The following UQCRB variants were observed in gnomAD, a reference collection of about 807,000 sequenced individuals.
UQCRB encodes cytochrome b-c1 complex subunit 7.
Under a neutral mutation model 19.8 loss-of-function variants are expected in UQCRB, and 12 were observed. The ratio of observed to expected loss-of-function variants is 0.61; its 90% CI spans 0.39 to 0.98. UQCRB has a LOEUF of 0.98. Ranked by LOEUF, UQCRB falls within the 50% of genes least tolerant of loss-of-function variation. The pLI is 0.00. For synonymous variants in UQCRB, 39 were observed against 42.9 expected (o/e 0.91, Z 0.35); for missense variants, 142 against 131.8 (o/e 1.08, Z -0.38).
Position 96,224,736 on chromosome 8 carries a change from C to T in UQCRB, c.*6319G>A. Among the ~76,000 whole-genome samples, 1 of 152,182 alleles carries T rather than the reference C, an allele frequency of 6.6e-6. No homozygotes were observed. The highest frequency in any genetic ancestry group is 1.5e-5 in the Non-Finnish European group (1 of 68,028). Reference sequence around the variant, plus strand: ...AAAATATACTCTGCTCACACCATATCCCTAAACTCCAGAGGGATTGAAGAT... The same window carrying T: ...AAAATATACTCTGCTCACACCATATTCCTAAACTCCAGAGGGATTGAAGAT... On this transcript the variant is annotated 3_prime_UTR_variant, in exon 4 of 4. Coordinates refer to ENST00000287022, the MANE Select transcript of UQCRB (RefSeq NM_006294.5).
rs542412257 is a variant in UQCRB, at chr8:96,225,228, G to A, written c.*5827C>T. Reference sequence around the variant, plus strand: ...ACTTGATAATAGCATATGGAAAAACGTCTAGCTACTCAATCCAAGAAATGC... The same window carrying A: ...ACTTGATAATAGCATATGGAAAAACATCTAGCTACTCAATCCAAGAAATGC... On this transcript the variant is annotated 3_prime_UTR_variant, in exon 4 of 4. Coordinates refer to ENST00000287022, the MANE Select transcript of UQCRB (RefSeq NM_006294.5). Among the ~76,000 whole-genome samples the A allele has an allele frequency of 1.6e-4, 24 of 152,212 alleles. No homozygotes were observed. The South Asian group carries it at 2.3e-3, about 14-fold the overall frequency.
chr8:96,233,154 AC>A lies in UQCRB; in HGVS notation c.91+1del. 1 of 1,612,652 alleles carries A rather than the reference AC, an allele frequency of 6.2e-7. No homozygotes were observed. The highest frequency in any genetic ancestry group is 8.5e-7 in the Non-Finnish European group (1 of 1,179,608). On this transcript the variant is annotated splice_donor_variant, in intron 2 of 3. Transcript: ENST00000287022. LOFTEE classifies it high-confidence loss of function. ...AAAACATTAAACAGCACAGCTGCTT[AC>A]CCAGTTTATTGAATCCTGCAGCATT...
rs575496941 is a variant in UQCRB, at chr8:96,223,491, A to G, written c.*7564T>C. On this transcript the variant is annotated 3_prime_UTR_variant, in exon 4 of 4. Transcript: ENST00000287022. The stretch of plus-strand genomic sequence containing the variant: ...ATGGCCCACAGTGAACACTAGGTAA[A>G]TAGTATTTATTATTGTTAAATAGTA... 4.8e-4 allele frequency among the ~76,000 whole-genome samples: 73 copies of G among 152,340 alleles called. No individual in the cohort carries two copies. The highest frequency in any genetic ancestry group is 6.8e-3 in the Middle Eastern group (2 of 294).
intron 3 of UQCRB, 102 bp downstream of exon 3, chr8:96,231,672 T>C: frequency 6.6e-7 from 1 of 1,524,848 alleles, no homozygotes. Flanking sequence ...TTATTTGACA[T>C]GACTCAGAGA....
chr8:96,233,394 AG>A (rs1809722739), intron 1 of UQCRB, 167 bp from the exon 2 acceptor site: 4 of 616,342 alleles, frequency 6.5e-6, no homozygotes, highest in Non-Finnish European at 1.1e-5. Flanking sequence ...CAAAAGAATT[AG>A]ATTTAAAAGA....
chr8:96,235,209 T>C, intron 1 of UQCRB: 1 of 555,218 alleles, frequency 1.8e-6, no homozygotes, highest in South Asian at 2.0e-5. Context: ...TTGTGCCCTT[T>C]AACTTTTCTA....
At chr8:96,233,019 C>A (rs1439049452) in intron 2 of UQCRB, 137 bp downstream of exon 2, 2 of 743,912 alleles carry the variant, frequency 2.7e-6, no homozygotes, top group South Asian at 1.6e-5. Flanking sequence ...ATTTTAAAAT[C>A]TTCTGATGTA....
At chr8:96,235,456 CAAAAATAAACG>C (rs1444433543) in intron 1 of UQCRB, 45 bp downstream of exon 1, 1 of 1,613,768 alleles carries the variant, frequency 6.2e-7, no homozygotes, top group African/African-American at 1.3e-5. Flanking sequence ...CAAGCTGCAG[CAAAAATAAACG>C]GTGAAGCGCG....
chr8:96,232,186 T>C (rs1464126980), intron 2 of UQCRB: 17 of 495,898 alleles, frequency 3.4e-5, no homozygotes, highest in Non-Finnish European at 2.5e-5. Flanking sequence ...AACTAGACTA[T>C]GGAAACAATA....
rs1027162400 is a variant in UQCRB, at chr8:96,225,758, T to G, written c.*5297A>C. On this transcript the variant is annotated 3_prime_UTR_variant, in exon 4 of 4. Transcript: ENST00000287022. ...GATTCCCATCCAGGTTTAGTTAGTTTACCTTCTCCATGTTTCCATAGTACC... is the reference window on the plus strand; with the variant it reads ...GATTCCCATCCAGGTTTAGTTAGTTGACCTTCTCCATGTTTCCATAGTACC... Among the ~76,000 whole-genome samples the G allele has an allele frequency of 6.6e-6, 1 of 152,072 alleles. No homozygotes were observed. Among genetic ancestry groups the G allele is most frequent in the Non-Finnish European group, 1.5e-5 (1 of 67,996 alleles).
rs926686511 is a variant in UQCRB at position 96,223,178 on chromosome 8, T to C, written c.*7877A>G. The stretch of plus-strand genomic sequence containing the variant: ...TGCTGAAAGTGTAGATTTTAGGTGC[T>C]CACCAGACACACATACACAAAGTAC... On this transcript the variant is annotated 3_prime_UTR_variant, in exon 4 of 4. Coordinates refer to ENST00000287022, the MANE Select transcript of UQCRB (RefSeq NM_006294.5). Among the ~76,000 whole-genome samples, 1 of 151,594 alleles carries C rather than the reference T, an allele frequency of 6.6e-6. No individual in the cohort carries two copies. Among genetic ancestry groups the C allele is most frequent in the Non-Finnish European group, 1.5e-5 (1 of 67,854 alleles).
chr8:96,234,430 A>T, intron 1 of UQCRB: 1 of 1,144,332 alleles, frequency 8.7e-7, no homozygotes, highest in Non-Finnish European at 1.2e-6. Context: ...TACAGAAGTG[A>T]TCCCACCCAA....
rs775815785 is a variant in UQCRB, at chr8:96,229,452, T to C, written c.*1603A>G. The C allele has an allele frequency of 6.6e-6, 3 of 453,986 alleles. No homozygotes were observed. Among genetic ancestry groups the C allele is most frequent in the South Asian group, 4.7e-5 (3 of 64,484 alleles). 28.1% of individuals were successfully genotyped at this position (453,986 alleles called of 1,614,324 possible). A position where few individuals can be genotyped will look rare whatever the true frequency, so the allele number is the denominator to read the frequency against. The stretch of plus-strand genomic sequence containing the variant: ...GCTCTTTGAGATGCCTCAGTTGTAG[T>C]CTCCTTGTAATTGTGCACAGTAGAC... On this transcript the variant is annotated 3_prime_UTR_variant, in exon 4 of 4. Coordinates refer to ENST00000287022, the MANE Select transcript of UQCRB (RefSeq NM_006294.5).
chr8:96,235,001 C>G lies in UQCRB; in HGVS notation c.19+511G>C, dbSNP rs1407359170. On this transcript the variant is annotated intron_variant, in intron 1 of 3. Coordinates refer to ENST00000287022, the MANE Select transcript of UQCRB (RefSeq NM_006294.5). ...TCTCTGATTCGCAGTTTGAGAAGCG[C>G]GAGGGGTGCAATGATATTTCCAATT... 1.3e-5 allele frequency: 3 copies of G among 230,764 alleles called. No individual in the cohort carries two copies. The South Asian group carries it at 1.5e-4, about 12-fold the overall frequency. The allele number at this position is 230,764 out of a possible 1,614,324, so 14.3% of individuals were successfully genotyped here.
intron 3 of UQCRB, 115 bp downstream of exon 3, chr8:96,231,659 T>C: frequency 2.0e-6 from 3 of 1,481,742 alleles, no homozygotes; most frequent in Non-Finnish European, 2.8e-6. Flanking sequence ...TAACCTCACA[T>C]ATTTATTTGA....
chr8:96,233,459 G>A (rs1248963745), intron 1 of UQCRB: 10 of 487,660 alleles, frequency 2.1e-5, no homozygotes, highest in Non-Finnish European at 3.6e-5. Flanking sequence ...TTATTTATGA[G>A]CAAAAGTGGT....
Position 96,233,239 on chromosome 8 carries a change from C to G in UQCRB, c.20-12G>C. On this transcript the variant is annotated splice_polypyrimidine_tract_variant and intron_variant, in intron 1 of 3. Transcript: ENST00000287022. ...GCCTGATGCTGAAACTGATAATTGTCACACTGTTAATTGCTACAATTTAAT... is the reference window on the plus strand; with the variant it reads ...GCCTGATGCTGAAACTGATAATTGTGACACTGTTAATTGCTACAATTTAAT... The G allele has an allele frequency of 6.2e-7, 1 of 1,612,992 alleles. No individual in the cohort carries two copies. The highest frequency in any genetic ancestry group is 8.5e-7 in the Non-Finnish European group (1 of 1,179,392).
rs756132182 is a variant in UQCRB, at chr8:96,228,047, T to A, written c.*3008A>T. The A allele has an allele frequency of 2.2e-6, 1 of 454,048 alleles. No homozygotes were observed. Among genetic ancestry groups the A allele is most frequent in the Non-Finnish European group, 4.4e-6 (1 of 226,786 alleles). The allele number at this position is 454,048 out of a possible 1,614,324, so 28.1% of individuals were successfully genotyped here. A position where few individuals can be genotyped will look rare whatever the true frequency, so the allele number is the denominator to read the frequency against. On this transcript the variant is annotated 3_prime_UTR_variant, in exon 4 of 4. Transcript: ENST00000287022. ...CAATTGGGGGTCTGAAGGCCCGACA[T>A]CCCTTACGCTGCTTCCTACATCTTG...
At chr8:96,231,436 T>G (rs1437241760) in intron 3 of UQCRB, 1 of 1,535,988 alleles carries the variant, frequency 6.5e-7, no homozygotes, top group Non-Finnish European at 8.7e-7. Context: ...GAAGCTCTTC[T>G]TGGGATCTGG....
Sources: gnomAD v4.1 joint callset for allele counts (sites outside exome capture counted in the v4.1 genomes callset) on GRCh38, gnomAD v4.1.1 for gene constraint, MANE v1.5 for transcripts, NCBI Gene and HGNC (gene_info 2026-07-23, HGNC 2026-07-21) for gene names.